DNAH2: variants seen among roughly 807,000 people sequenced by gnomAD.
DNAH2 encodes axonemal beta dynein heavy chain 2.
DNAH2 carries 323 observed loss-of-function variants against 523.5 expected under a neutral mutation model. The ratio of observed to expected loss-of-function variants is 0.62; its 90% CI spans 0.56 to 0.68. The LOEUF is 0.68. DNAH2 is among the 30% of genes least tolerant of loss of function. The pLI, the probability that DNAH2 is intolerant of heterozygous loss-of-function variation, is 0.00. For synonymous variants in DNAH2, 2,093 were observed against 2,177.4 expected (o/e 0.96, Z 1.08); for missense variants, 4,907 against 5,701.5 (o/e 0.86, Z 4.49).
chr17:7,737,351 T>A, intron 8 of DNAH2, 93 bp downstream of exon 8: 1 of 1,374,432 alleles, frequency 7.3e-7, no homozygotes, highest in Non-Finnish European at 1.0e-6. Context: ...GATCTGTGGT[T>A]GAAAAGGTAG....
chr17:7,759,066 A>C lies in DNAH2; in HGVS notation c.2390A>C (p.Gln797Pro). 6.2e-7 allele frequency: 1 copy of C among 1,614,220 alleles called. No homozygotes were observed. Among genetic ancestry groups the C allele is most frequent in the Non-Finnish European group, 8.5e-7 (1 of 1,180,038 alleles). ...CAGCAGAAATTGATGAACCTGCACC[A>C]GGATGTGGTGACCATCATGACCAAC... ...AVQQKLMNLHQDVVTIMTNSY... is the reference protein window; with the variant it reads ...AVQQKLMNLHPDVVTIMTNSY... The change falls in exon 15 of 86, where the codon CAG becomes CCG. Residue 797 changes from glutamine (Q) to proline (P), a missense_variant. Physicochemically the swap from Gln to Pro is moderately conservative, Grantham distance 76. This residue lies in a region of DNAH2 where 2,806 missense variants were observed against 3,190.8 expected (regional missense o/e 0.88). Transcript: ENST00000572933.
intron 2 of DNAH2, among the ~76,000 whole-genome samples, chr17:7,722,296 T>C (rs930116902): frequency 6.6e-6 from 1 of 152,140 alleles, no homozygotes; most frequent in African/African-American, 2.4e-5. Context: ...TGAGCCATCG[T>C]GCCCGGCCCC....
At chr17:7,766,640 C>CTTTTTTTTTTTTTT (rs58072098) in intron 22 of DNAH2, among the ~76,000 whole-genome samples, 159 bp downstream of exon 22, 1 of 84,442 alleles carries the variant, frequency 1.2e-5, no homozygotes. Flanking sequence ...AAAATTAATC[C>CTTTTTTTTTTTTTT]TTTTTTTTTT....
At chr17:7,726,819 C>T (rs763540279) in intron 3 of DNAH2, among the ~76,000 whole-genome samples, 6 of 152,058 alleles carry the variant, frequency 3.9e-5, no homozygotes, top group African/African-American at 7.2e-5. Context: ...CCTTTGAGAT[C>T]GAGGGCTGAC....
chr17:7,775,909 C>G, intron 30 of DNAH2, 115 bp from the exon 31 acceptor site: 1 of 1,404,956 alleles, frequency 7.1e-7, no homozygotes, highest in Non-Finnish European at 9.6e-7. Flanking sequence ...TTGGCCATTC[C>G]CGCTTTTCTC....
chr17:7,772,205 G>A (rs2076337572), intron 28 of DNAH2, among the ~76,000 whole-genome samples: 1 of 152,132 alleles, frequency 6.6e-6, no homozygotes, highest in African/African-American at 2.4e-5. Context: ...CTGTGCAGAA[G>A]AATTCTGGTG....
intron 77 of DNAH2, among the ~76,000 whole-genome samples, chr17:7,824,941 GTTC>G (rs938561390): frequency 6.6e-6 from 1 of 152,166 alleles, no homozygotes; most frequent in African/African-American, 2.4e-5. Context: ...ACTGTTCTAA[GTTC>G]TTTACATTTA....
At chr17:7,727,521 A>T (rs908714736) in intron 4 of DNAH2, among the ~76,000 whole-genome samples, 3 of 152,260 alleles carry the variant, frequency 2.0e-5, no homozygotes, top group South Asian at 4.1e-4. Flanking sequence ...TGGGAGGCCG[A>T]GGCGGGTGGG....
chr17:7,772,946 A>G (rs1218123942), intron 28 of DNAH2, among the ~76,000 whole-genome samples: 1 of 151,656 alleles, frequency 6.6e-6, no homozygotes, highest in African/African-American at 2.4e-5. Flanking sequence ...CTAAGTTTGT[A>G]TTTTTTTAGT....
chr17:7,801,764 C>T lies in DNAH2; in HGVS notation c.8832+54C>T. ...CATCCCTGGCCTCCCTCTCCCCCGC[C>T]TCTCATCTCTCATCGCACCCCCGGC... On this transcript the variant is annotated intron_variant, in intron 57 of 85. Transcript: ENST00000572933. 1.9e-6 allele frequency: 3 copies of T among 1,610,788 alleles called. 1 individual carries two copies. Among genetic ancestry groups the T allele is most frequent in the South Asian group, 2.2e-5 (2 of 90,934 alleles).
At chr17:7,739,174 G>A (rs1227325844) in intron 8 of DNAH2, among the ~76,000 whole-genome samples, 1 of 152,228 alleles carries the variant, frequency 6.6e-6, no homozygotes, top group Non-Finnish European at 1.5e-5. Context: ...GGGAGGCTGA[G>A]GCGGGCAGAT....
At chr17:7,741,847 G>C (rs1047149360) in intron 11 of DNAH2, among the ~76,000 whole-genome samples, 1 of 150,006 alleles carries the variant, frequency 6.7e-6, no homozygotes, top group African/African-American at 2.5e-5. Context: ...ATTTTTAGTA[G>C]AGAAGAGGTT....
At chr17:7,721,711 A>G (rs2074614150) in intron 2 of DNAH2, among the ~76,000 whole-genome samples, 1 of 152,042 alleles carries the variant, frequency 6.6e-6, no homozygotes, top group African/African-American at 2.4e-5. Context: ...TCCTCCTTTC[A>G]GCCCCTGGGG....
In DNAH2 at chr17:7,832,759, A is replaced by C; in HGVS notation, c.12903+4A>C. 1.2e-6 allele frequency: 2 copies of C among 1,614,036 alleles called. No individual in the cohort carries two copies. The highest frequency in any genetic ancestry group is 1.7e-6 in the Non-Finnish European group (2 of 1,180,020). ...GTCTTCAGCTCGCCAAAACAACGTG[A>C]GCAATGTGCAAAGTGTGAGGGGGGG... On this transcript the variant is annotated splice_donor_region_variant and intron_variant, in intron 83 of 85. Transcript: ENST00000572933. The surrounding 1 kb of genome is among the most constrained non-coding windows in gnomAD (Gnocchi z 4.3).
In DNAH2 at chr17:7,785,019, T is replaced by C. The variant is rs138245431; in HGVS notation, c.6130-1105T>C. Among the ~76,000 whole-genome samples the C allele has an allele frequency of 2.8e-3, 418 of 151,138 alleles. 5 individuals are homozygous for C. The highest frequency in any genetic ancestry group is 9.6e-3 in the African/African-American group (395 of 41,204). On this transcript the variant is annotated intron_variant, in intron 39 of 85. Transcript: ENST00000572933. ...ATGCTTTTAACAGACAGTGACAAAA[T>C]AGAAAAAGCCCGAGTGTTTGGAAAT...
chr17:7,787,133 G>C, intron 42 of DNAH2, 100 bp downstream of exon 42: 1 of 1,467,412 alleles, frequency 6.8e-7, no homozygotes, highest in Non-Finnish European at 9.2e-7. Context: ...AGCAGGGCAG[G>C]TTCTGTGGGA....
chr17:7,743,061 A>C lies in DNAH2; in HGVS notation c.1823A>C (p.Lys608Thr). 1 of 1,534,930 alleles carries C rather than the reference A, an allele frequency of 6.5e-7. No individual in the cohort carries two copies. Among genetic ancestry groups the C allele is most frequent in the Non-Finnish European group, 8.7e-7 (1 of 1,146,452 alleles). Residue 608 changes from lysine to threonine, a missense_variant, in exon 12 of 86, where the codon AAG becomes ACG. By Grantham distance (78) the Lys-to-Thr change is moderately conservative. Transcript: ENST00000572933. ...CAAGAGTGGACATCAAGTCTGGACA[A>C]GGATTGCATTCGGCGGTTGGATACC... ...TFQEWTSSLD[K>T]DCIRRLDTPL...
At chr17:7,772,113 T>C (rs1567673844) in intron 28 of DNAH2, among the ~76,000 whole-genome samples, 2 of 152,050 alleles carry the variant, frequency 1.3e-5, no homozygotes, top group East Asian at 3.9e-4. Flanking sequence ...GATGAACACA[T>C]AGTGAGGCCT....
At chr17:7,741,270 C>CTTTCTTTT (rs1567624484) in intron 11 of DNAH2, among the ~76,000 whole-genome samples, 1 of 50,260 alleles carries the variant, frequency 2.0e-5, no homozygotes, top group Non-Finnish European at 3.5e-5. Flanking sequence ...TTCTTTCTTT[C>CTTTCTTTT]TTTCTTTCTT....
Sources: allele counts gnomAD v4.1 joint callset (sites outside exome capture counted in the v4.1 genomes callset), GRCh38; gene constraint gnomAD v4.1.1; regional missense constraint gnomAD v4.1.1; non-coding constraint Gnocchi (gnomAD v3.1); transcripts MANE v1.5; gene names NCBI Gene and HGNC (gene_info 2026-07-23, HGNC 2026-07-21).